Variants in SCOC observed in about 807,000 individuals in gnomAD.
SCOC encodes short coiled coil protein.
Under a neutral mutation model 9.9 loss-of-function variants are expected in SCOC, and 7 were observed. That is an observed-to-expected ratio of 0.71 (90% CI 0.40 to 1.33). The LOEUF is 1.33. Ranked by LOEUF, SCOC falls within the 40% of genes most tolerant of loss-of-function variation. The pLI is 0.01. For synonymous variants in SCOC, 19 were observed against 28.2 expected (o/e 0.67, Z 1.03); for missense variants, 66 against 89.7 (o/e 0.74, Z 1.07).
upstream of SCOC, chr4:140,373,536 A>G: frequency 6.4e-7 from 1 of 1,551,652 alleles, no homozygotes; most frequent in Non-Finnish European, 8.7e-7. Context: ...GCGGGCAGCT[A>G]ATGCGCAGGC....
At chr4:140,305,069 A>G (rs1731927712) in intron 1 of SCOC, among the ~76,000 whole-genome samples, 1 of 152,184 alleles carries the variant, frequency 6.6e-6, no homozygotes, top group South Asian at 2.1e-4. Flanking sequence ...ATCAGCAAGA[A>G]TCCCCTTCAG....
chr4:140,366,446 T>A, intron 2 of SCOC: 1 of 1,516,574 alleles, frequency 6.6e-7, no homozygotes, highest in East Asian at 2.3e-5. Context: ...AGGTGCTTTT[T>A]TGGGAGAAGC....
At chr4:140,335,372 T>C (rs1732929363) in intron 1 of SCOC, among the ~76,000 whole-genome samples, 1 of 152,232 alleles carries the variant, frequency 6.6e-6, no homozygotes, top group Non-Finnish European at 1.5e-5. Context: ...GGTAAAACAC[T>C]GAGAATAGTT....
At chr4:140,344,218 T>TA (rs944366694) in intron 2 of SCOC, among the ~76,000 whole-genome samples, 9 of 152,202 alleles carry the variant, frequency 5.9e-5, no homozygotes, top group Admixed American at 5.2e-4. Flanking sequence ...ATGGAAAGGA[T>TA]AACCATGGTT....
chr4:140,343,015 C>A (rs568608588), upstream of SCOC, among the ~76,000 whole-genome samples: 12 of 152,196 alleles, frequency 7.9e-5, no homozygotes, highest in African/African-American at 2.6e-4. Context: ...CTTCTTATTT[C>A]TTCAAATATT....
intron 2 of SCOC, among the ~76,000 whole-genome samples, chr4:140,347,776 T>C (rs1280589591): frequency 1.3e-5 from 2 of 152,340 alleles, no homozygotes; most frequent in East Asian, 3.9e-4. Context: ...GCTATTGACA[T>C]TTCAATTCTG....
At chr4:140,317,984 T>C (rs1207877951) in intron 1 of SCOC, among the ~76,000 whole-genome samples, 2 of 151,164 alleles carry the variant, frequency 1.3e-5, no homozygotes, top group East Asian at 3.9e-4. Context: ...TTACTGAGAA[T>C]GATGGTTTCC....
chr4:140,304,491 C>T (rs1298989385), intron 1 of SCOC, among the ~76,000 whole-genome samples: 2 of 152,140 alleles, frequency 1.3e-5, no homozygotes, highest in Admixed American at 6.5e-5. Flanking sequence ...GATTATACAT[C>T]TGCACAAAGA....
At chr4:140,269,313 A>G (rs2126399243) in intron 1 of SCOC, among the ~76,000 whole-genome samples, 1 of 152,286 alleles carries the variant, frequency 6.6e-6, no homozygotes, top group Admixed American at 6.5e-5. Flanking sequence ...AAAGTGACAA[A>G]ATGGGATTTC....
intron 1 of SCOC, among the ~76,000 whole-genome samples, chr4:140,374,514 T>G (rs1370280089): frequency 1.3e-5 from 2 of 152,164 alleles, no homozygotes; most frequent in African/African-American, 2.4e-5. Context: ...AAATCCTCAT[T>G]TGGCCAAACA....
intron 2 of SCOC, chr4:140,366,922 T>C (rs1486481691): frequency 2.0e-5 from 12 of 589,456 alleles, no homozygotes; most frequent in Non-Finnish European, 2.7e-5. Context: ...ATATTAGTTA[T>C]TGACCAGGCG....
intron 1 of SCOC, among the ~76,000 whole-genome samples, chr4:140,308,907 A>G (rs1005226274): frequency 1.3e-5 from 2 of 152,170 alleles, no homozygotes; most frequent in African/African-American, 4.8e-5. Context: ...TCTAGAGCTT[A>G]CAGTTCAGGA....
At position 140,381,735 on chromosome 4, in the gene SCOC, G is replaced by A. The variant is rs998430900; in HGVS notation, c.*631G>A. On this transcript the variant is annotated 3_prime_UTR_variant, in exon 4 of 4. Coordinates refer to ENST00000608372, the MANE Select transcript of SCOC (RefSeq NM_001153484.2). ...TTTAATTAATTGGAAATAGATGGAG[G>A]CTAAAAATGAAGGTTTTTCTTTGAA... 6.6e-6 allele frequency: 1 copy of A among 152,140 alleles called. No individual in the cohort carries two copies. The highest frequency in any genetic ancestry group is 1.5e-5 in the Non-Finnish European group (1 of 68,008). 9.4% of individuals were successfully genotyped at this position (152,140 alleles called of 1,614,324 possible). A position where few individuals can be genotyped will look rare whatever the true frequency, so the allele number is the denominator to read the frequency against.
intron 2 of SCOC, among the ~76,000 whole-genome samples, chr4:140,354,633 T>C (rs1198319872): frequency 6.6e-6 from 1 of 151,834 alleles, no homozygotes; most frequent in East Asian, 1.9e-4. Context: ...CATTTGACTG[T>C]GAAAGGAATT....
intron 1 of SCOC, among the ~76,000 whole-genome samples, chr4:140,268,253 G>A (rs1019342230): frequency 1.3e-5 from 2 of 152,154 alleles, no homozygotes; most frequent in East Asian, 3.9e-4. Flanking sequence ...CCCATATAAC[G>A]TTTGTATCTT....
intron 1 of SCOC, among the ~76,000 whole-genome samples, chr4:140,294,403 G>A (rs2126440573): frequency 6.6e-6 from 1 of 152,284 alleles, no homozygotes; most frequent in East Asian, 1.9e-4. Context: ...TTGCTTCAGG[G>A]TGTGCCTAAG....
At chr4:140,309,815 C>G (rs1050712646) in intron 1 of SCOC, among the ~76,000 whole-genome samples, 3 of 152,172 alleles carry the variant, frequency 2.0e-5, no homozygotes, top group African/African-American at 7.2e-5. Flanking sequence ...CCTGTCTCCC[C>G]CAAACCCCAC....
chr4:140,319,599 A>G (rs755052173), intron 1 of SCOC, among the ~76,000 whole-genome samples: 5 of 152,182 alleles, frequency 3.3e-5, no homozygotes, highest in African/African-American at 4.8e-5. Context: ...TTCCAAATAT[A>G]CACAGAAAGA....
intron 1 of SCOC, among the ~76,000 whole-genome samples, chr4:140,294,279 C>T (rs1048183196): frequency 4.6e-5 from 7 of 152,216 alleles, no homozygotes; most frequent in African/African-American, 1.7e-4. Context: ...GTGTCACTAC[C>T]AAGGAAAGAT....
Sources: allele counts gnomAD v4.1 joint callset (sites outside exome capture counted in the v4.1 genomes callset), GRCh38; gene constraint gnomAD v4.1.1; transcripts MANE v1.5; gene names NCBI Gene and HGNC (gene_info 2026-07-23, HGNC 2026-07-21).